Variants in NAA15 observed in about 807,000 individuals in gnomAD.
NAA15 encodes the protein N-alpha-acetyltransferase 15, NatA auxiliary subunit.
A neutral mutation model predicts 114.0 loss-of-function variants in NAA15; 34 were observed. The ratio of observed to expected loss-of-function variants is 0.30; its 90% confidence interval spans 0.23 to 0.40. NAA15 has a LOEUF of 0.40. Ranked by LOEUF, NAA15 falls within the 10% of genes least tolerant of loss-of-function variation. NAA15 has a pLI of 1.00. For missense variants in NAA15, 658 were observed against 1,004.5 expected (o/e 0.66, Z 4.66); for synonymous variants, 340 against 338.0 (o/e 1.01, Z -0.06).
intron 1 of NAA15, among the ~76,000 whole-genome samples, chr4:139,329,161 C>T (rs1194183555): frequency 6.6e-6 from 1 of 151,886 alleles, no homozygotes; most frequent in Non-Finnish European, 1.5e-5. Context: ...AGATTACAGG[C>T]ATGAGCCACT....
intron 1 of NAA15, among the ~76,000 whole-genome samples, chr4:139,316,290 G>A (rs916485020): frequency 1.3e-5 from 2 of 151,764 alleles, no homozygotes; most frequent in Admixed American, 6.6e-5. Context: ...TCTACCACCT[G>A]TTCTGTCTCT....
intron 18 of NAA15, among the ~76,000 whole-genome samples, chr4:139,385,624 A>G (rs1447023556): frequency 1.3e-5 from 2 of 152,152 alleles, no homozygotes; most frequent in African/African-American, 2.4e-5. Context: ...GTCTGTGCCA[A>G]TGAGCCAAAA....
At chr4:139,362,430 C>T (rs1407774055) in intron 14 of NAA15, among the ~76,000 whole-genome samples, 12 of 152,060 alleles carry the variant, frequency 7.9e-5, no homozygotes, top group Admixed American at 3.3e-4. Context: ...CCCACCACCA[C>T]GCCTGGCTAA....
rs527783196 is a variant in NAA15 at position 139,338,440 on chromosome 4, T to C, written c.244+1488T>C. Among the ~76,000 whole-genome samples, 36 of 152,310 alleles carry C rather than the reference T, an allele frequency of 2.4e-4. No individual in the cohort carries two copies. The South Asian group carries it at 5.2e-3, about 22-fold the overall frequency. On this transcript the variant is annotated intron_variant, in intron 3 of 19. Coordinates refer to ENST00000296543, the MANE Select transcript of NAA15 (RefSeq NM_057175.5). ...TGCCATCCTAAACATTCTGGGGTTT[T>C]TTTTTGTTTGTTTGTGCTTTTTTTT...
chr4:139,315,293 G>A (rs1746374111), intron 1 of NAA15, among the ~76,000 whole-genome samples: 1 of 151,910 alleles, frequency 6.6e-6, no homozygotes, highest in Non-Finnish European at 1.5e-5. Flanking sequence ...GCAGAGGTGG[G>A]AGGATCACTT....
chr4:139,377,463 G>A (rs1235475205), intron 16 of NAA15, among the ~76,000 whole-genome samples: 2 of 151,858 alleles, frequency 1.3e-5, no homozygotes. Context: ...GCTTGAACCC[G>A]GGAGGCAGAG....
chr4:139,312,404 A>G (rs1319638698), intron 1 of NAA15, among the ~76,000 whole-genome samples: 3 of 151,954 alleles, frequency 2.0e-5, no homozygotes, highest in South Asian at 4.2e-4. Context: ...TACATGCTGT[A>G]CAAACTTGTA....
chr4:139,364,735 G>A (rs547446492), intron 14 of NAA15, among the ~76,000 whole-genome samples: 2 of 152,090 alleles, frequency 1.3e-5, no homozygotes, highest in Non-Finnish European at 2.9e-5. Flanking sequence ...TAGAATTTTC[G>A]TGTTTTTACA....
At chr4:139,316,642 A>G (rs1746419381) in intron 1 of NAA15, among the ~76,000 whole-genome samples, 1 of 151,804 alleles carries the variant, frequency 6.6e-6, no homozygotes, top group Admixed American at 6.6e-5. Flanking sequence ...TTTATTCCTT[A>G]TAAGTAATTT....
At chr4:139,385,287 T>TATATATATATATATATATATA (rs1560984095) in intron 18 of NAA15, among the ~76,000 whole-genome samples, 3 of 95,746 alleles carry the variant, frequency 3.1e-5, no homozygotes, top group East Asian at 4.7e-4. Flanking sequence ...ATATATAATA[T>TATATATATATATATATATATA]ATATATATAT....
rs999171281 is a variant in NAA15 at position 139,315,902 on chromosome 4, T to A, written c.54+14071T>A. Reference sequence around the variant, plus strand: ...TTTAAAAAAAAAAATTTAGGTTTCTTCTATTTGGTTTATCAGCTTTAAATT... The same window carrying A: ...TTTAAAAAAAAAAATTTAGGTTTCTACTATTTGGTTTATCAGCTTTAAATT... On this transcript the variant is annotated intron_variant, in intron 1 of 19. Coordinates refer to ENST00000296543, the MANE Select transcript of NAA15 (RefSeq NM_057175.5). Among the ~76,000 whole-genome samples the A allele has an allele frequency of 5.9e-4, 89 of 151,908 alleles. 1 individual carries two copies. Among genetic ancestry groups the A allele is most frequent in the African/African-American group, 2.1e-3 (89 of 41,424 alleles).
intron 14 of NAA15, among the ~76,000 whole-genome samples, chr4:139,368,363 T>C (rs1467443149): frequency 6.6e-6 from 1 of 152,052 alleles, no homozygotes; most frequent in Admixed American, 6.6e-5. Flanking sequence ...GTTGCTTGAG[T>C]CTAGGAGTTC....
chr4:139,323,905 C>T (rs1746703747), intron 1 of NAA15, among the ~76,000 whole-genome samples: 1 of 152,094 alleles, frequency 6.6e-6, no homozygotes, highest in African/African-American at 2.4e-5. Flanking sequence ...TCTATTAGAA[C>T]AATTCAGTCT....
At chr4:139,309,579 T>C (rs1746149349) in intron 1 of NAA15, among the ~76,000 whole-genome samples, 1 of 152,090 alleles carries the variant, frequency 6.6e-6, no homozygotes, top group East Asian at 1.9e-4. Flanking sequence ...CTGGCCTGTT[T>C]GCTTACTTTT....
At chr4:139,346,046 G>T (rs1747570967) in intron 6 of NAA15, among the ~76,000 whole-genome samples, 1 of 152,250 alleles carries the variant, frequency 6.6e-6, no homozygotes, top group Middle Eastern at 3.4e-3. Flanking sequence ...GGCTCAAAAA[G>T]TTTTTGTTTG....
At chr4:139,351,342 T>C (rs1458780526) in intron 8 of NAA15, 56 bp downstream of exon 8, 1 of 1,347,412 alleles carries the variant, frequency 7.4e-7, no homozygotes, top group Non-Finnish European at 1.1e-6. Flanking sequence ...AAAGTTTCTT[T>C]TCTTGGTTTT....
chr4:139,303,952 C>T (rs966369837), intron 1 of NAA15, among the ~76,000 whole-genome samples: 1 of 152,166 alleles, frequency 6.6e-6, no homozygotes, highest in Admixed American at 6.5e-5. Context: ...GAGTCTCGCT[C>T]TGTCGCCCAG....
At chr4:139,373,781 C>T (rs1186638715) in intron 15 of NAA15, among the ~76,000 whole-genome samples, 1 of 151,924 alleles carries the variant, frequency 6.6e-6, no homozygotes, top group Non-Finnish European at 1.5e-5. Context: ...CACTGCAACA[C>T]TCCGCCTCCC....
intron 19 of NAA15, 185 bp downstream of exon 19, chr4:139,386,415 TAAC>T (rs1220894330): frequency 4.7e-6 from 2 of 423,778 alleles, no homozygotes; most frequent in Non-Finnish European, 8.4e-6. Flanking sequence ...TAGCTTGGAA[TAAC>T]TTTTTAAGAA....
Sources: allele counts gnomAD v4.1 joint callset (sites outside exome capture counted in the v4.1 genomes callset), GRCh38; gene constraint gnomAD v4.1.1; transcripts MANE v1.5; gene names NCBI Gene and HGNC (gene_info 2026-07-23, HGNC 2026-07-21).